The following CFAP251 variants were observed in gnomAD, a reference collection of about 807,000 sequenced individuals.
The protein encoded by CFAP251 is cilia and flagella associated protein 251.
In CFAP251, 93 loss-of-function variants were observed where a neutral mutation model predicts 126.7. That is an observed-to-expected ratio of 0.73 (90% CI 0.62 to 0.87). The LOEUF (loss-of-function observed/expected upper bound fraction) is 0.87, where lower values mean the gene tolerates loss of function less well. CFAP251 is among the 40% of genes least tolerant of loss of function. CFAP251 has a pLI of 0.00. For synonymous variants in CFAP251, 503 were observed against 506.9 expected, an observed-to-expected ratio of 0.99 and a Z score of 0.10; for missense variants, 1,287 against 1,389.2, an observed-to-expected ratio of 0.93 and a Z score of 1.17.
chr12:121,986,296 ATT>A (rs894295977), intron 19 of CFAP251, among the ~76,000 whole-genome samples: 28 of 123,462 alleles, frequency 2.3e-4, no homozygotes, highest in Admixed American at 3.3e-4. Flanking sequence ...CTGGCCACGA[ATT>A]TTTTTTTTTT....
At chr12:121,961,383 T>C (rs918700644) in intron 14 of CFAP251, among the ~76,000 whole-genome samples, 2 of 148,806 alleles carry the variant, frequency 1.3e-5, no homozygotes, top group Non-Finnish European at 1.5e-5. Flanking sequence ...CATCCATCTG[T>C]CCATCCATCC....
rs1031482222 is a variant in CFAP251 at position 121,957,021 on chromosome 12, A to G, written c.1536-53A>G. 19 of 1,414,312 alleles carry G rather than the reference A, an allele frequency of 1.3e-5. 1 individual carries two copies. The highest frequency in any genetic ancestry group is 1.8e-5 in the Non-Finnish European group (19 of 1,042,024). 87.6% of individuals were successfully genotyped at this position (1,414,312 alleles called of 1,614,324 possible). ...TGACATATAATTAGGTATTATATAG[A>G]TGCTACTTGTTATTATTGCTATTTG... On this transcript the variant is annotated intron_variant, in intron 10 of 21. Coordinates refer to ENST00000288912, the MANE Select transcript of CFAP251 (RefSeq NM_144668.6).
chr12:121,943,885 CTG>C (rs1367003168), intron 7 of CFAP251, among the ~76,000 whole-genome samples: 1 of 152,212 alleles, frequency 6.6e-6, no homozygotes, highest in Non-Finnish European at 1.5e-5. Flanking sequence ...ATATTAATAT[CTG>C]TGGAATACTA....
intron 17 of CFAP251, chr12:121,969,408 G>T (rs1432095230): frequency 1.0e-6 from 1 of 985,252 alleles, no homozygotes; most frequent in Non-Finnish European, 1.2e-6. Context: ...ATGGCTGCCT[G>T]GTTCCTTGCT....
chr12:121,968,148 T>C lies in CFAP251; in HGVS notation c.2750T>C (p.Val917Ala), dbSNP rs1470276824. The C allele has an allele frequency of 1.2e-6, 2 of 1,607,716 alleles. No individual in the cohort carries two copies. The highest frequency in any genetic ancestry group is 1.3e-5 in the African/African-American group (1 of 74,738). ...FTAGGHDRSV[V>A]QWKITLSVLE... ...GCGGGAGGGCACGATCGCTCGGTGGTGCAGTGGAAAATCACCTTAAGGTAC... is the reference window on the plus strand; with the variant it reads ...GCGGGAGGGCACGATCGCTCGGTGGCGCAGTGGAAAATCACCTTAAGGTAC... The change falls in exon 17 of 22, where the codon GTG becomes GCG. Residue 917 changes from valine (V) to alanine (A), a missense_variant. Physicochemically the swap from Val to Ala is moderately conservative, Grantham distance 64. Transcript: ENST00000288912.
chr12:121,973,560 T>G (rs1479781583), intron 17 of CFAP251, among the ~76,000 whole-genome samples: 1 of 152,102 alleles, frequency 6.6e-6, no homozygotes, highest in African/African-American at 2.4e-5. Flanking sequence ...TGCCAGCCCA[T>G]GAAAGCAGCC....
intron 3 of CFAP251, among the ~76,000 whole-genome samples, chr12:121,930,073 C>A (rs1015384798): frequency 3.3e-5 from 5 of 152,224 alleles, no homozygotes; most frequent in African/African-American, 1.2e-4. Context: ...GCTTCATTCA[C>A]TTACCAACAC....
intron 7 of CFAP251, among the ~76,000 whole-genome samples, chr12:121,945,742 C>T (rs954652576): frequency 4.7e-5 from 7 of 150,148 alleles, no homozygotes; most frequent in African/African-American, 9.8e-5. Context: ...CTTGGCTCAC[C>T]GCAAGCTTTG....
intron 19 of CFAP251, among the ~76,000 whole-genome samples, chr12:121,977,405 T>C (rs1592998877): frequency 6.6e-6 from 1 of 152,240 alleles, no homozygotes; most frequent in Non-Finnish European, 1.5e-5. Context: ...ACGCCTGTAA[T>C]CCCAGCACTT....
intron 14 of CFAP251, among the ~76,000 whole-genome samples, chr12:121,961,367 T>C (rs1881931742): frequency 7.5e-6 from 1 of 133,586 alleles, no homozygotes; most frequent in African/African-American, 2.7e-5. Context: ...AGTTTCTCCA[T>C]CCATTCATCC....
At chr12:121,961,171 C>T (rs1881921143) in intron 14 of CFAP251, among the ~76,000 whole-genome samples, 1 of 152,080 alleles carries the variant, frequency 6.6e-6, no homozygotes, top group Non-Finnish European at 1.5e-5. Flanking sequence ...TAGGGATGGG[C>T]AAACGCAATA....
At chr12:121,948,852 G>A (rs1630699) in intron 7 of CFAP251, 132 bp from the exon 8 acceptor site, 27 of 522,486 alleles carry the variant, frequency 5.2e-5, no homozygotes, top group African/African-American at 4.7e-4. Context: ...TTTTTTTTAC[G>A]AAATGCGGTA....
chr12:121,952,258 A>G (rs1881558223), intron 9 of CFAP251, among the ~76,000 whole-genome samples: 1 of 148,746 alleles, frequency 6.7e-6, no homozygotes, highest in Admixed American at 6.7e-5. Flanking sequence ...AAAAAAAAAA[A>G]AAAAAAAAAA....
At chr12:121,959,121 C>A in intron 13 of CFAP251, 27 bp downstream of exon 13, 1 of 1,554,310 alleles carries the variant, frequency 6.4e-7, no homozygotes. Flanking sequence ...ACAACCCATC[C>A]AGTGGCTTAG....
intron 3 of CFAP251, among the ~76,000 whole-genome samples, chr12:121,930,927 T>C (rs1479887397): frequency 1.3e-5 from 2 of 151,900 alleles, no homozygotes; most frequent in Admixed American, 6.6e-5. Context: ...TTTTGTGTTT[T>C]TAGTAGAGAT....
Position 121,958,288 on chromosome 12 carries a change from A to G in CFAP251, c.1747A>G (p.Thr583Ala). The G allele has an allele frequency of 6.2e-7, 1 of 1,614,090 alleles. No homozygotes were observed. The highest frequency in any genetic ancestry group is 8.5e-7 in the Non-Finnish European group (1 of 1,179,954). Residue 583 changes from threonine (T) to alanine (A), a missense_variant, in exon 12 of 22, where the codon ACA becomes GCA. Physicochemically the swap from Thr to Ala is moderately conservative, Grantham distance 58. Coordinates refer to ENST00000288912, the MANE Select transcript of CFAP251 (RefSeq NM_144668.6). The part of the protein sequence containing the change: ...LFVLRNFIIG[T>A]SDAAVYHLTT... ...GGCAAACAGGAATTTTATCATTGGA[A>G]CATCTGATGCCGCGGTGTACCACTT...
At chr12:121,977,575 G>A (rs931914148) in intron 19 of CFAP251, among the ~76,000 whole-genome samples, 3 of 152,026 alleles carry the variant, frequency 2.0e-5, no homozygotes, top group East Asian at 1.9e-4. Flanking sequence ...CAAGAGAATC[G>A]CTTGAACCCA....
chr12:121,976,544 G>A (rs576065544), intron 19 of CFAP251, among the ~76,000 whole-genome samples: 1 of 152,280 alleles, frequency 6.6e-6, no homozygotes, highest in African/African-American at 2.4e-5. Flanking sequence ...AGCACCCCTA[G>A]ATGCAAGAAG....
chr12:121,939,687 A>T (rs1319418080), intron 5 of CFAP251, among the ~76,000 whole-genome samples: 1 of 152,236 alleles, frequency 6.6e-6, no homozygotes, highest in African/African-American at 2.4e-5. Context: ...CCAAGTGATT[A>T]CTTTGGGACC....
Sources: gnomAD v4.1 joint callset for allele counts (sites outside exome capture counted in the v4.1 genomes callset) on GRCh38, gnomAD v4.1.1 for gene constraint, MANE v1.5 for transcripts, NCBI Gene and HGNC (gene_info 2026-07-23, HGNC 2026-07-21) for gene names.